The following CPEB4 variants were observed in gnomAD, a reference collection of about 807,000 sequenced individuals.
CPEB4 encodes cytoplasmic polyadenylation element binding protein 4, also known as cytoplasmic polyadenylation element-binding protein 4.
A neutral mutation model predicts 72.5 loss-of-function variants in CPEB4; 12 were observed. The ratio of observed to expected loss-of-function variants is 0.17; its 90% CI spans 0.11 to 0.27. The LOEUF (loss-of-function observed/expected upper bound fraction) is 0.27. Ranked by LOEUF, CPEB4 falls within the 10% of genes least tolerant of loss-of-function variation. CPEB4 has a pLI of 1.00. For missense variants in CPEB4, 614 were observed against 908.5 expected (o/e 0.68, Z 4.17); for synonymous variants, 302 against 326.3 (o/e 0.93, Z 0.80).
intron 5 of CPEB4, among the ~76,000 whole-genome samples, chr5:173,945,934 T>C (rs1758001024): frequency 6.6e-6 from 1 of 152,206 alleles, no homozygotes. Context: ...TTATAGCATA[T>C]TTTTGGTTGC....
At chr5:173,905,487 C>A (rs1004058548) in intron 1 of CPEB4, among the ~76,000 whole-genome samples, 2 of 152,120 alleles carry the variant, frequency 1.3e-5, no homozygotes, top group Non-Finnish European at 2.9e-5. Context: ...GCACCTGCCA[C>A]CACGCCCAGC....
At chr5:173,904,692 C>CA (rs1351524810) in intron 1 of CPEB4, among the ~76,000 whole-genome samples, 1 of 139,090 alleles carries the variant, frequency 7.2e-6, no homozygotes, top group Non-Finnish European at 1.5e-5. Context: ...AAGGAAGGAT[C>CA]ACTTACTTGG....
At chr5:173,941,561 A>G (rs1757842807) in intron 3 of CPEB4, among the ~76,000 whole-genome samples, 1 of 152,226 alleles carries the variant, frequency 6.6e-6, no homozygotes, top group Admixed American at 6.5e-5. Flanking sequence ...GTGAGTTTGT[A>G]TAGTGATTTC....
intron 3 of CPEB4, among the ~76,000 whole-genome samples, chr5:173,941,254 G>T (rs952518193): frequency 1.3e-5 from 2 of 152,122 alleles, no homozygotes; most frequent in African/African-American, 4.8e-5. Context: ...CATCTGCTTT[G>T]TGATGCTATT....
chr5:173,911,519 C>G (rs1756659119), intron 2 of CPEB4, among the ~76,000 whole-genome samples: 1 of 151,986 alleles, frequency 6.6e-6, no homozygotes. Flanking sequence ...GCCTCGGCCT[C>G]CCAAAGTTAT....
Position 173,890,805 on chromosome 5 carries a change from A to G in CPEB4, c.1072A>G (p.Lys358Glu). Residue 358 changes from lysine to glutamate, a missense_variant, in exon 1 of 10, where the codon AAA becomes GAA. Lys to Glu is a moderately conservative substitution (Grantham distance 56, BLOSUM62 1). Transcript: ENST00000265085. Reference protein sequence around the residue: ...YARPSSAFAPKSWMEDSLNRA... With the variant: ...YARPSSAFAPESWMEDSLNRA... ...TCGCCCCAGCTCTGCCTTTGCACCT[A>G]AATCCTGGATGGAAGATAGCTTGAA... 1 of 1,614,130 alleles carries G rather than the reference A, an allele frequency of 6.2e-7. No homozygotes were observed. Among genetic ancestry groups the G allele is most frequent in the Non-Finnish European group, 8.5e-7 (1 of 1,179,998 alleles).
intron 2 of CPEB4, among the ~76,000 whole-genome samples, chr5:173,922,724 G>C (rs1757114311): frequency 6.6e-6 from 1 of 152,206 alleles, no homozygotes; most frequent in South Asian, 2.1e-4. Flanking sequence ...TGGGACTTAA[G>C]CATGTGCATT....
In CPEB4 at chr5:173,900,574, T is replaced by C. The variant is rs964943418; in HGVS notation, c.1125+9716T>C. Reference sequence around the variant, plus strand: ...TATTGTTTACCTGCTTTCCTTGAACTAATGACTTCTTGCCCTGAATAGTTT... The same window carrying C: ...TATTGTTTACCTGCTTTCCTTGAACCAATGACTTCTTGCCCTGAATAGTTT... On this transcript the variant is annotated intron_variant, in intron 1 of 9. Transcript: ENST00000265085. The surrounding 1 kb of genome is among the most constrained non-coding windows in gnomAD (Gnocchi z 4.4). Among the ~76,000 whole-genome samples, 2 of 152,216 alleles carry C rather than the reference T, an allele frequency of 1.3e-5. No homozygotes were observed. Among genetic ancestry groups the C allele is most frequent in the African/African-American group, 4.8e-5 (2 of 41,454 alleles).
chr5:173,950,020 T>C lies in CPEB4; in HGVS notation c.1607T>C (p.Ile536Thr). The C allele has an allele frequency of 1.2e-6, 2 of 1,612,618 alleles. No individual in the cohort carries two copies. Among genetic ancestry groups the C allele is most frequent in the Non-Finnish European group, 8.5e-7 (1 of 1,179,368 alleles). Residue 536 changes from isoleucine (I) to threonine (T), a missense_variant, in exon 7 of 10, where the codon ATT becomes ACT. Ile to Thr is a moderately conservative substitution (Grantham distance 89). This residue lies in a region of CPEB4 where 23 missense variants were observed against 21.8 expected (regional missense o/e 1.05). Coordinates refer to ENST00000265085, the MANE Select transcript of CPEB4 (RefSeq NM_030627.4). This position sits in a 1 kb window ranked among gnomAD's most constrained non-coding sequence, Gnocchi z 5.0. Reference sequence around the variant, plus strand: ...GTGCAGGCTCTCATTGATGCATGCATTGAAGAAGATGGAAAACTCTACCTT... The same window carrying C: ...GTGCAGGCTCTCATTGATGCATGCACTGAAGAAGATGGAAAACTCTACCTT... Reference protein sequence around the residue: ...SSVQALIDACIEEDGKLYLCV... With the variant: ...SSVQALIDACTEEDGKLYLCV...
intron 1 of CPEB4, among the ~76,000 whole-genome samples, chr5:173,906,915 G>T (rs570583996): frequency 1.7e-4 from 26 of 152,300 alleles, no homozygotes; most frequent in African/African-American, 6.0e-4. Flanking sequence ...CCATGGGGCA[G>T]GGTAGTGGGA....
chr5:173,952,419 G>A (rs1218110403), intron 8 of CPEB4, among the ~76,000 whole-genome samples: 1 of 152,160 alleles, frequency 6.6e-6, no homozygotes, highest in Non-Finnish European at 1.5e-5. Flanking sequence ...TCCCAGCAAT[G>A]CATCAGATTT....
chr5:173,924,735 G>A (rs564085227), intron 2 of CPEB4, among the ~76,000 whole-genome samples: 1 of 152,254 alleles, frequency 6.6e-6, no homozygotes, highest in Admixed American at 6.5e-5. Flanking sequence ...AGATGATACC[G>A]GCTTGACTCT....
Position 173,906,839 on chromosome 5 carries a change from T to C in CPEB4, c.1126-3684T>C, listed in dbSNP as rs187673396. On this transcript the variant is annotated intron_variant, in intron 1 of 9. Transcript: ENST00000265085. ...TAAAATTTAATTTAGGATTTTAGTT[T>C]TAATGTACTTTACCAGTTAGAAGTC... Among the ~76,000 whole-genome samples the C allele has an allele frequency of 6.8e-3, 1,037 of 152,366 alleles. 7 individuals are homozygous for C. Among genetic ancestry groups the C allele is most frequent in the Admixed American group, 0.012 (178 of 15,308 alleles).
chr5:173,954,466 G>A (rs1353525011), intron 9 of CPEB4, among the ~76,000 whole-genome samples: 8 of 151,764 alleles, frequency 5.3e-5, no homozygotes, highest in African/African-American at 1.9e-4. Flanking sequence ...TCTGCCTCCC[G>A]GGTTCAAGTG....
chr5:173,943,310 A>C (rs1274319890), intron 4 of CPEB4, among the ~76,000 whole-genome samples: 1 of 152,226 alleles, frequency 6.6e-6, no homozygotes, highest in Non-Finnish European at 1.5e-5. Context: ...GCTTATTTAT[A>C]TCTAAAGATG....
At chr5:173,953,431 G>T in intron 9 of CPEB4, 159 bp downstream of exon 9, 1 of 466,070 alleles carries the variant, frequency 2.1e-6, no homozygotes, top group South Asian at 7.3e-5. Context: ...AATGTCCTAT[G>T]AATTTCTTTT....
intron 2 of CPEB4, among the ~76,000 whole-genome samples, chr5:173,930,839 A>G (rs934812298): frequency 6.6e-6 from 1 of 151,958 alleles, no homozygotes. Context: ...ATACAAAAAA[A>G]TTAGCCAGGC....
chr5:173,951,407 C>T (rs1376574567), intron 7 of CPEB4, among the ~76,000 whole-genome samples: 1 of 152,152 alleles, frequency 6.6e-6, no homozygotes, highest in African/African-American at 2.4e-5. Flanking sequence ...GAGTAGTTTG[C>T]ATTTCCTAGA....
intron 4 of CPEB4, among the ~76,000 whole-genome samples, chr5:173,943,733 A>G (rs1472552655): frequency 1.3e-5 from 2 of 152,206 alleles, no homozygotes; most frequent in South Asian, 2.1e-4. Context: ...TTTTATAATC[A>G]GTTTGTGTCT....
Sources: allele counts gnomAD v4.1 joint callset (sites outside exome capture counted in the v4.1 genomes callset), GRCh38; gene constraint gnomAD v4.1.1; regional missense constraint gnomAD v4.1.1; non-coding constraint Gnocchi (gnomAD v3.1); transcripts MANE v1.5; gene names NCBI Gene and HGNC (gene_info 2026-07-23, HGNC 2026-07-21).